PCDH15: variants seen among roughly 807,000 people sequenced by gnomAD.
The protein encoded by PCDH15 is protocadherin-15.
A neutral mutation model predicts 178.5 loss-of-function variants in PCDH15; 129 were observed. That is an observed-to-expected ratio of 0.72 (90% confidence interval 0.63 to 0.84). The LOEUF (loss-of-function observed/expected upper bound fraction) is 0.84. Among genes scored for constraint, PCDH15 ranks in the 40% least tolerant of loss-of-function variants. The probability of loss-of-function intolerance (pLI) is 0.00; values close to 1 mark genes in which losing one functional copy is unlikely to be tolerated. For synonymous variants in PCDH15, 800 were observed against 732.0 expected, an observed-to-expected ratio of 1.09 and a Z score of -1.50; for missense variants, 2,230 against 2,099.9, an observed-to-expected ratio of 1.06 and a Z score of -1.21.
At chr10:55,425,562 C>A (rs748886976) in intron 2 of PCDH15, among the ~76,000 whole-genome samples, 2 of 151,900 alleles carry the variant, frequency 1.3e-5, no homozygotes, top group Non-Finnish European at 2.9e-5. Context: ...AAGTGTATTT[C>A]TTTCATTTTA....
rs1837593405 is a variant in PCDH15 at position 55,114,906 on chromosome 10, C to A, written c.-80+51670G>T. Among the ~76,000 whole-genome samples the A allele has an allele frequency of 1.3e-5, 2 of 152,018 alleles. 1 individual carries two copies. Among genetic ancestry groups the A allele is most frequent in the South Asian group, 4.2e-4 (2 of 4,818 alleles). ...ATTATGCACCATAACTGATAGATCC[C>A]ATAAAATAGATGGCTAGATATTCAC... On this transcript the variant is annotated intron_variant, in intron 2 of 5. Transcript: ENST00000458638.
At chr10:54,160,940 T>A (rs1037030654) in intron 13 of PCDH15, among the ~76,000 whole-genome samples, 6 of 152,182 alleles carry the variant, frequency 3.9e-5, no homozygotes, top group Non-Finnish European at 7.4e-5. Context: ...TACAAGCCAC[T>A]GTTATTAAAA....
chr10:54,252,218 G>T (rs576277872), intron 8 of PCDH15, among the ~76,000 whole-genome samples: 29 of 152,172 alleles, frequency 1.9e-4, no homozygotes, highest in African/African-American at 7.0e-4. Flanking sequence ...TTCTAGTGTT[G>T]ATGCAACTTG....
intron 3 of PCDH15, among the ~76,000 whole-genome samples, chr10:54,511,282 G>A (rs2081627658): frequency 6.6e-6 from 1 of 152,108 alleles, no homozygotes; most frequent in African/African-American, 2.4e-5. Flanking sequence ...TAGCATACAG[G>A]TTAAAGGTGG....
At chr10:54,280,184 C>T (rs1591559475) in intron 8 of PCDH15, among the ~76,000 whole-genome samples, 2 of 151,764 alleles carry the variant, frequency 1.3e-5, no homozygotes, top group East Asian at 3.9e-4. Context: ...AACCCTGCTA[C>T]CCATTTCCTT....
At chr10:54,042,772 C>T (rs2093576315) in intron 18 of PCDH15, among the ~76,000 whole-genome samples, 1 of 152,052 alleles carries the variant, frequency 6.6e-6, no homozygotes, top group African/African-American at 2.4e-5. Context: ...ATGGTGTCAT[C>T]TAATTTGCAT....
intron 26 of PCDH15, among the ~76,000 whole-genome samples, chr10:53,888,143 T>A (rs540862724): frequency 6.6e-6 from 1 of 151,194 alleles, no homozygotes; most frequent in East Asian, 2.0e-4. Context: ...TCATGCAGTT[T>A]TTCTTCATAG....
At chr10:54,186,566 G>A (rs925923861) in intron 11 of PCDH15, among the ~76,000 whole-genome samples, 1 of 151,858 alleles carries the variant, frequency 6.6e-6, no homozygotes, top group Non-Finnish European at 1.5e-5. Flanking sequence ...ATCTCATTCT[G>A]TAGTAGCTTC....
chr10:55,379,355 T>C (rs1837479469), intron 2 of PCDH15, among the ~76,000 whole-genome samples: 1 of 151,832 alleles, frequency 6.6e-6, no homozygotes, highest in Non-Finnish European at 1.5e-5. Context: ...AGAAAATAAT[T>C]ATTTAAAGGG....
Position 53,974,941 on chromosome 10 carries a change from C to T in PCDH15, c.2869-13049G>A, listed in dbSNP as rs146661234. Among the ~76,000 whole-genome samples the T allele has an allele frequency of 3.0e-4, 46 of 152,206 alleles. 1 individual carries two copies. The East Asian group carries it at 8.5e-3, about 28-fold the overall frequency. ...GCTCTTGCTCCCCTCCTTCCCCCAC[C>T]TCCTCTAATAGTCTCCAGTATCTAT... On this transcript the variant is annotated intron_variant, in intron 21 of 37. Coordinates refer to ENST00000644397, the MANE Select transcript of PCDH15 (RefSeq NM_001384140.1).
intron 2 of PCDH15, among the ~76,000 whole-genome samples, chr10:54,534,527 C>A (rs2084274985): frequency 6.6e-6 from 1 of 152,160 alleles, no homozygotes; most frequent in South Asian, 2.1e-4. Flanking sequence ...ACAGAAAGAT[C>A]AAGGAAGAGT....
At chr10:54,731,553 T>TATATATATATATATATATATATATATAG (rs1566067279) in intron 1 of PCDH15, among the ~76,000 whole-genome samples, 1 of 40,296 alleles carries the variant, frequency 2.5e-5, no homozygotes, top group African/African-American at 7.0e-5. Flanking sequence ...TAGATATATA[T>TATATATATATATATATATATATATATAG]ATATATATAT....
intron 2 of PCDH15, among the ~76,000 whole-genome samples, chr10:55,018,991 A>T (rs947178051): frequency 6.6e-6 from 1 of 152,122 alleles, no homozygotes; most frequent in African/African-American, 2.4e-5. Flanking sequence ...CCACAATGCT[A>T]TCAATTCACA....
At chr10:54,796,266 C>CTATGTATCTATG (rs1554796259) in intron 1 of PCDH15, among the ~76,000 whole-genome samples, 2 of 87,162 alleles carry the variant, frequency 2.3e-5, no homozygotes, top group Non-Finnish European at 4.7e-5. Context: ...ATCTATCTAT[C>CTATGTATCTATG]TATCTATGTA....
intron 25 of PCDH15, among the ~76,000 whole-genome samples, chr10:53,911,857 T>C (rs1197501355): frequency 6.6e-6 from 1 of 152,166 alleles, no homozygotes; most frequent in Non-Finnish European, 1.5e-5. Context: ...AGCCAAATTC[T>C]AATAGAGGTA....
At chr10:54,159,292 C>T (rs2045475112) in intron 13 of PCDH15, among the ~76,000 whole-genome samples, 3 of 151,980 alleles carry the variant, frequency 2.0e-5, no homozygotes, top group African/African-American at 7.3e-5. Context: ...AAGGTGACTC[C>T]TAGAACTACT....
chr10:54,874,417 A>G (rs957679778), intron 3 of PCDH15, among the ~76,000 whole-genome samples: 1 of 149,778 alleles, frequency 6.7e-6, no homozygotes, highest in Admixed American at 6.8e-5. Context: ...ATTGTGAATA[A>G]TGCTGCAATA....
chr10:54,025,214 T>A (rs571441765), intron 18 of PCDH15, among the ~76,000 whole-genome samples: 1 of 152,300 alleles, frequency 6.6e-6, no homozygotes, highest in African/African-American at 2.4e-5. Context: ...ATTAGTTTTG[T>A]TTTTGCTCCC....
At chr10:55,349,046 A>G (rs1565041463) in intron 2 of PCDH15, among the ~76,000 whole-genome samples, 1 of 152,128 alleles carries the variant, frequency 6.6e-6, no homozygotes, top group African/African-American at 2.4e-5. Context: ...GATTGCATGG[A>G]CTTGATCAAT....
Sources: gnomAD v4.1 joint callset for allele counts (sites outside exome capture counted in the v4.1 genomes callset) on GRCh38, gnomAD v4.1.1 for gene constraint, MANE v1.5 for transcripts, NCBI Gene and HGNC (gene_info 2026-07-23, HGNC 2026-07-21) for gene names.